TWIST2: variants seen among roughly 807,000 people sequenced by gnomAD.
TWIST2 encodes twist-related protein 2.
A neutral mutation model predicts 11.6 loss-of-function variants in TWIST2; 1 was observed. The ratio of observed to expected loss-of-function variants is 0.09; its 90% CI spans 0.03 to 0.41. The LOEUF (loss-of-function observed/expected upper bound fraction) is 0.41. Ranked by LOEUF, TWIST2 falls within the 10% of genes least tolerant of loss-of-function variation. The pLI, the probability that TWIST2 is intolerant of heterozygous loss-of-function variation, is 0.98. For synonymous variants in TWIST2, 87 were observed against 96.6 expected (o/e 0.90, Z 0.58); for missense variants, 168 against 226.4 (o/e 0.74, Z 1.66).
Position 238,867,171 on chromosome 2 carries a change from C to T in TWIST2, c.*35+18438C>T, listed in dbSNP as rs950836988. Among the ~76,000 whole-genome samples, 1 of 152,028 alleles carries T rather than the reference C, an allele frequency of 6.6e-6. No individual in the cohort carries two copies. The highest frequency in any genetic ancestry group is 1.9e-4 in the East Asian group (1 of 5,160). On this transcript the variant is annotated intron_variant, in intron 1 of 1. Coordinates refer to ENST00000612363, the MANE Select transcript of TWIST2 (RefSeq NM_001271893.4). The surrounding 1 kb of genome is among the most constrained non-coding windows in gnomAD (Gnocchi z 4.8). ...AAGCCAGCAGCTGGAGGGAAGGAGG[C>T]TGGCTGTAACATTGGAGGGGCCACA...
chr2:238,886,016 A>G (rs1693028610), intron 1 of TWIST2, among the ~76,000 whole-genome samples: 1 of 148,710 alleles, frequency 6.7e-6, no homozygotes, highest in Admixed American at 6.8e-5. Context: ...GAATCTCTTG[A>G]CCCTGGGAGG....
At chr2:238,896,757 A>G (rs1693212627) in intron 1 of TWIST2, among the ~76,000 whole-genome samples, 1 of 152,194 alleles carries the variant, frequency 6.6e-6, no homozygotes, top group Non-Finnish European at 1.5e-5. Context: ...CCGCTGCCAC[A>G]CACACACATG....
In TWIST2 at chr2:238,866,730, C is replaced by T. The variant is rs552951793; in HGVS notation, c.*35+17997C>T. On this transcript the variant is annotated intron_variant, in intron 1 of 1. Coordinates refer to ENST00000612363, the MANE Select transcript of TWIST2 (RefSeq NM_001271893.4). The surrounding 1 kb of genome is among the most constrained non-coding windows in gnomAD (Gnocchi z 4.9). ...CTGCTCTCCCTTGACTGGAATCTCC[C>T]TTGTGCCCGACAGGACTACCTCCAG... Among the ~76,000 whole-genome samples, 2 of 152,312 alleles carry T rather than the reference C, an allele frequency of 1.3e-5. No individual in the cohort carries two copies. Among genetic ancestry groups the T allele is most frequent in the South Asian group, 4.1e-4 (2 of 4,830 alleles).
chr2:238,865,042 G>A (rs536532902), intron 1 of TWIST2, among the ~76,000 whole-genome samples: 19 of 152,264 alleles, frequency 1.2e-4, no homozygotes, highest in African/African-American at 4.3e-4. Flanking sequence ...AAAGCCACAC[G>A]GGGTCACTCC....
At chr2:238,902,623 A>G (rs1271812466) in intron 1 of TWIST2, among the ~76,000 whole-genome samples, 1,347 of 127,700 alleles carry the variant, frequency 0.011, 53 homozygotes, top group Admixed American at 0.071. Flanking sequence ...GCATGATGTG[A>G]GGTGTGTGAT....
chr2:238,893,379 CGTT>C (rs1693171454), intron 1 of TWIST2, among the ~76,000 whole-genome samples: 1 of 152,054 alleles, frequency 6.6e-6, no homozygotes, highest in Non-Finnish European at 1.5e-5. Flanking sequence ...TTATGGTCAG[CGTT>C]GTTTAATTAT....
intron 1 of TWIST2, among the ~76,000 whole-genome samples, chr2:238,870,569 C>A (rs1574754730): frequency 8.3e-5 from 1 of 12,034 alleles, no homozygotes; most frequent in Non-Finnish European, 2.1e-4. Context: ...CACCACACAC[C>A]ACACACCACA....
intron 1 of TWIST2, among the ~76,000 whole-genome samples, chr2:238,870,577 A>ACACACACATCACATACC (rs1692660684): frequency 1.8e-5 from 1 of 55,956 alleles, no homozygotes; most frequent in African/African-American, 8.4e-5. Context: ...ACCACACACC[A>ACACACACATCACATACC]CACACACACA....
intron 1 of TWIST2, among the ~76,000 whole-genome samples, chr2:238,898,281 T>C (rs1693228710): frequency 6.6e-6 from 1 of 152,164 alleles, no homozygotes. Flanking sequence ...GGCTGAGTTG[T>C]CACAGGAGAT....
intron 1 of TWIST2, among the ~76,000 whole-genome samples, chr2:238,905,725 C>G (rs1034261305): frequency 2.5e-3 from 383 of 152,278 alleles, no homozygotes; most frequent in Non-Finnish European, 4.2e-3. Context: ...ACCCACCCCC[C>G]CTTATTAATT....
chr2:238,904,622 T>C (rs1004901326), intron 1 of TWIST2, among the ~76,000 whole-genome samples: 1 of 152,054 alleles, frequency 6.6e-6, no homozygotes, highest in Non-Finnish European at 1.5e-5. Flanking sequence ...CTACCTGCAC[T>C]CTAAAAAGTG....
intron 1 of TWIST2, among the ~76,000 whole-genome samples, chr2:238,894,436 G>C (rs1165526707): frequency 6.6e-6 from 1 of 152,154 alleles, no homozygotes; most frequent in Non-Finnish European, 1.5e-5. Flanking sequence ...CTGGTGGGTG[G>C]CCCCTTGCCG....
intron 1 of TWIST2, among the ~76,000 whole-genome samples, chr2:238,881,648 T>C (rs1361283931): frequency 6.6e-6 from 1 of 152,120 alleles, no homozygotes; most frequent in Non-Finnish European, 1.5e-5. Flanking sequence ...AGTGCCAGCA[T>C]TAGTTCTGGC....
chr2:238,873,407 A>T (rs1014768937), intron 1 of TWIST2, among the ~76,000 whole-genome samples: 9 of 152,112 alleles, frequency 5.9e-5, no homozygotes, highest in Non-Finnish European at 5.9e-5. Context: ...TGAAGAAATG[A>T]CGCTTGAGCA....
chr2:238,901,955 T>TG (rs1170712734), intron 1 of TWIST2, among the ~76,000 whole-genome samples: 1 of 151,868 alleles, frequency 6.6e-6, no homozygotes, highest in Non-Finnish European at 1.5e-5. Context: ...TTGCATGAAC[T>TG]GGGGGATGCC....
intron 1 of TWIST2, among the ~76,000 whole-genome samples, chr2:238,890,305 G>A (rs776575659): frequency 2.8e-4 from 42 of 152,324 alleles, no homozygotes; most frequent in Non-Finnish European, 5.3e-4. Flanking sequence ...GTGCAGGACC[G>A]GCACAGTGAG....
At chr2:238,905,918 CA>C (rs1693340765) in intron 1 of TWIST2, among the ~76,000 whole-genome samples, 1 of 112,840 alleles carries the variant, frequency 8.9e-6, no homozygotes, top group African/African-American at 3.6e-5. Context: ...TGTGTGCGTG[CA>C]GGTGTGCGTG....
Position 238,910,073 on chromosome 2 carries a change from T to C in TWIST2, c.*267T>C, listed in dbSNP as rs980236770. ...TGGTGACATTGTCATGGTCATCTTG[T>C]TTCTGTTTGGATTTTTCTTCTGGGT... On this transcript the variant is annotated 3_prime_UTR_variant, in exon 2 of 2. Coordinates refer to ENST00000612363, the MANE Select transcript of TWIST2 (RefSeq NM_001271893.4). 3 of 152,166 alleles carry C rather than the reference T, an allele frequency of 2.0e-5. No homozygotes were observed. The highest frequency in any genetic ancestry group is 4.4e-5 in the Non-Finnish European group (3 of 68,050). The allele number at this position is 152,166 out of a possible 1,614,324, so 9.4% of individuals were successfully genotyped here. A position where few individuals can be genotyped will look rare whatever the true frequency, so the allele number is the denominator to read the frequency against.
intron 1 of TWIST2, among the ~76,000 whole-genome samples, chr2:238,888,854 A>G (rs1693084280): frequency 6.6e-6 from 1 of 152,234 alleles, no homozygotes; most frequent in Non-Finnish European, 1.5e-5. Context: ...GTAAATGTGA[A>G]TATTTGGAAA....
Sources: gnomAD v4.1 joint callset for allele counts (sites outside exome capture counted in the v4.1 genomes callset) on GRCh38, gnomAD v4.1.1 for gene constraint, Gnocchi (gnomAD v3.1) non-coding constraint, MANE v1.5 for transcripts, NCBI Gene and HGNC (gene_info 2026-07-23, HGNC 2026-07-21) for gene names.